NCCRP1: variants seen among roughly 807,000 people sequenced by gnomAD.
NCCRP1 encodes the protein NCCRP1, F-box associated domain containing.
NCCRP1 carries 32 observed loss-of-function variants against 34.4 expected under a neutral mutation model. The observed-to-expected ratio is 0.93, with a 90% CI of 0.70 to 1.25. NCCRP1 has a LOEUF of 1.25. Ranked by LOEUF, NCCRP1 falls within the 50% of genes most tolerant of loss-of-function variation. NCCRP1 has a pLI of 0.00. For synonymous variants in NCCRP1, 172 were observed against 180.1 expected (o/e 0.95, Z 0.36); for missense variants, 372 against 391.8 (o/e 0.95, Z 0.43).
rs1267875533 is a variant in NCCRP1, at chr19:39,197,063, C to T, written c.81C>T (p.Pro27=). The T allele has an allele frequency of 1.3e-6, 2 of 1,531,276 alleles. No homozygotes were observed. The highest frequency in any genetic ancestry group is 1.7e-6 in the Non-Finnish European group (2 of 1,145,478). The allele number at this position is 1,531,276 out of a possible 1,614,324, so 94.9% of individuals were successfully genotyped here. A position where few individuals can be genotyped will look rare whatever the true frequency, so the allele number is the denominator to read the frequency against. Reference sequence around the variant, plus strand: ...CCGCGAGCCTCCAGGAGCTGCCTCCCTCGCCACGGTCGCCTTCACCGCCGC... The same window carrying T: ...CCGCGAGCCTCCAGGAGCTGCCTCCTTCGCCACGGTCGCCTTCACCGCCGC... ...DGPASLQELP[P]SPRSPSPPPS... The change falls in exon 1 of 6, where the codon CCC becomes CCT. Residue 27 remains proline (P), a synonymous_variant. Coordinates refer to ENST00000339852, the MANE Select transcript of NCCRP1 (RefSeq NM_001001414.2).
At chr19:39,199,866 C>CTTA (rs1444260974) in intron 4 of NCCRP1, among the ~76,000 whole-genome samples, 1 of 152,064 alleles carries the variant, frequency 6.6e-6, no homozygotes, top group Non-Finnish European at 1.5e-5. Context: ...CCAATTCCTT[C>CTTA]TTATTCCTTA....
chr19:39,200,708 G>T lies in NCCRP1; in HGVS notation c.780G>T (p.Arg260=). The T allele has an allele frequency of 6.2e-7, 1 of 1,613,760 alleles. No homozygotes were observed. Among genetic ancestry groups the T allele is most frequent in the Middle Eastern group, 1.6e-4 (1 of 6,062 alleles). Residue 260 remains arginine, a synonymous_variant, in exon 6 of 6, where the codon CGG becomes CGT. Transcript: ENST00000339852. The surrounding 1 kb of genome is among the most constrained non-coding windows in gnomAD (Gnocchi z 5.8). ...ACCGCATGGAGCCTGGTGGGCTGCG[G>T]CGGACACGGGTGACCGACTCCTCCG... The part of the protein sequence containing the change: ...AKNRMEPGGL[R]RTRVTDSSVS...
intron 1 of NCCRP1, 69 bp downstream of exon 1, chr19:39,197,388 C>T (rs1206761716): frequency 3.3e-5 from 41 of 1,240,016 alleles, no homozygotes; most frequent in Non-Finnish European, 3.8e-5. Flanking sequence ...TTCCCTGTTT[C>T]CTTATCTCTC....
Position 39,197,133 on chromosome 19 carries a change from G to T in NCCRP1, c.151G>T (p.Ala51Ser). The change falls in exon 1 of 6, where the codon GCA (alanine) becomes TCA (serine). Residue 51 changes from alanine (A) to serine (S), a missense_variant. Ala to Ser is a moderately conservative substitution (Grantham distance 99). Transcript: ENST00000339852. ...LPSPPSLPSP[A>S]APEAPELPEP... The stretch of plus-strand genomic sequence containing the variant: ...CTCGCCGCCGTCGCTGCCATCGCCC[G>T]CAGCCCCGGAGGCCCCCGAGCTCCC... 2.6e-6 allele frequency: 4 copies of T among 1,511,674 alleles called. No homozygotes were observed. Among genetic ancestry groups the T allele is most frequent in the Non-Finnish European group, 1.8e-6 (2 of 1,137,708 alleles). The allele number at this position is 1,511,674 out of a possible 1,614,324, so 93.6% of individuals were successfully genotyped here.
intron 4 of NCCRP1, 151 bp downstream of exon 4, chr19:39,199,416 C>T: frequency 3.4e-6 from 2 of 580,346 alleles, no homozygotes; most frequent in Non-Finnish European, 6.0e-6. Context: ...CTGGCCCCTT[C>T]TGTTTGAGCC....
chr19:39,199,509 C>CT (rs150534648), intron 4 of NCCRP1, among the ~76,000 whole-genome samples: 1,057 of 67,890 alleles, frequency 0.016, 56 homozygotes, highest in African/African-American at 0.029. Flanking sequence ...TTTTTTCTTT[C>CT]TTTTTTTTTT....
chr19:39,197,054 G>A lies in NCCRP1; in HGVS notation c.72G>A (p.Glu24=). 6.5e-7 allele frequency: 1 copy of A among 1,532,234 alleles called. No homozygotes were observed. Among genetic ancestry groups the A allele is most frequent in the East Asian group, 2.5e-5 (1 of 40,462 alleles). 94.9% of individuals were successfully genotyped at this position (1,532,234 alleles called of 1,614,324 possible). ...MEADGPASLQ[E]LPPSPRSPSP... is the part of the protein sequence containing the mutation. ...CCGATGGGCCCGCGAGCCTCCAGGAGCTGCCTCCCTCGCCACGGTCGCCTT... is the reference window on the plus strand; with the variant it reads ...CCGATGGGCCCGCGAGCCTCCAGGAACTGCCTCCCTCGCCACGGTCGCCTT... The change falls in exon 1 of 6, where the codon GAG becomes GAA. Residue 24 remains glutamate, a synonymous_variant. Coordinates refer to ENST00000339852, the MANE Select transcript of NCCRP1 (RefSeq NM_001001414.2).
Position 39,198,387 on chromosome 19 carries a change from G to C in NCCRP1, c.452+134G>C, listed in dbSNP as rs112719819. 6.3e-4 allele frequency: 614 copies of C among 970,972 alleles called. 3 individuals are homozygous for C. In the African/African-American group the frequency reaches 8.7e-3, roughly 14 times the overall value. The allele number at this position is 970,972 out of a possible 1,614,324, so 60.1% of individuals were successfully genotyped here. ...CTGTAAACAGGGTTAGCATAAGAGA[G>C]AATGCTTGTAAAACACACAGCATAG... On this transcript the variant is annotated intron_variant, in intron 3 of 5. Coordinates refer to ENST00000339852, the MANE Select transcript of NCCRP1 (RefSeq NM_001001414.2).
At chr19:39,199,509 C>CTTTTTTTTTTTTTTTTT (rs150534648) in intron 4 of NCCRP1, among the ~76,000 whole-genome samples, 3 of 67,868 alleles carry the variant, frequency 4.4e-5, no homozygotes, top group Non-Finnish European at 7.6e-5. Flanking sequence ...TTTTTTCTTT[C>CTTTTTTTTTTTTTTTTT]TTTTTTTTTT....
intron 4 of NCCRP1, among the ~76,000 whole-genome samples, chr19:39,199,669 T>C (rs983370931): frequency 3.3e-5 from 5 of 151,630 alleles, no homozygotes; most frequent in Admixed American, 2.6e-4. Context: ...CGCGCCACCA[T>C]ACCTGGCTAA....
Position 39,200,899 on chromosome 19 carries a change from G to A in NCCRP1, c.*143G>A. ...CAGCTTCACACACCCTTAAGCGGTG[G>A]ACTCCAGCATTTTCCCAGCACTGTC... On this transcript the variant is annotated 3_prime_UTR_variant, in exon 6 of 6. Transcript: ENST00000339852. The surrounding 1 kb of genome is among the most constrained non-coding windows in gnomAD (Gnocchi z 5.8). 1 of 1,042,176 alleles carries A rather than the reference G, an allele frequency of 9.6e-7. No individual in the cohort carries two copies. The highest frequency in any genetic ancestry group is 1.4e-6 in the Non-Finnish European group (1 of 726,864). 64.6% of individuals were successfully genotyped at this position (1,042,176 alleles called of 1,614,324 possible).
intron 1 of NCCRP1, among the ~76,000 whole-genome samples, chr19:39,197,740 C>A (rs1464735291): frequency 1.3e-5 from 2 of 152,164 alleles, no homozygotes; most frequent in East Asian, 3.9e-4. Context: ...CCATGCCTGG[C>A]TAATTTTTGT....
Position 39,197,214 on chromosome 19 carries a change from G to A in NCCRP1, c.232G>A (p.Gly78Arg), listed in dbSNP as rs2074765978. The A allele has an allele frequency of 1.4e-6, 2 of 1,445,340 alleles. No homozygotes were observed. The highest frequency in any genetic ancestry group is 1.8e-6 in the Non-Finnish European group (2 of 1,111,414). 89.5% of individuals were successfully genotyped at this position (1,445,340 alleles called of 1,614,324 possible). A position where few individuals can be genotyped will look rare whatever the true frequency, so the allele number is the denominator to read the frequency against. Reference protein sequence around the residue: ...HARQLLLEEWGPLSGGLELPQ... With the variant: ...HARQLLLEEWRPLSGGLELPQ... ...CCGGCAGCTGCTGCTGGAGGAGTGGGGGCCGCTGAGCGGGGGCCTGGAGCT... is the reference window on the plus strand; with the variant it reads ...CCGGCAGCTGCTGCTGGAGGAGTGGAGGCCGCTGAGCGGGGGCCTGGAGCT... The change falls in exon 1 of 6, where the codon GGG becomes AGG. Residue 78 changes from glycine (G) to arginine (R), a missense_variant. Transcript: ENST00000339852.
chr19:39,200,523 G>A lies in NCCRP1; in HGVS notation c.687+39G>A. On this transcript the variant is annotated intron_variant, in intron 5 of 5. Transcript: ENST00000339852. This position sits in a 1 kb window ranked among gnomAD's most constrained non-coding sequence, Gnocchi z 5.8. ...CGCCGGGGCCCTCAACCCCAGACGTGTGTTCTTGTCCCAAGACCTCACAGA... is the reference window on the plus strand; with the variant it reads ...CGCCGGGGCCCTCAACCCCAGACGTATGTTCTTGTCCCAAGACCTCACAGA... 3 of 1,610,972 alleles carry A rather than the reference G, an allele frequency of 1.9e-6. No individual in the cohort carries two copies. The highest frequency in any genetic ancestry group is 2.5e-6 in the Non-Finnish European group (3 of 1,178,774).
intron 1 of NCCRP1, 145 bp downstream of exon 1, chr19:39,197,464 G>A: frequency 1.4e-6 from 1 of 723,352 alleles, no homozygotes; most frequent in Non-Finnish European, 2.0e-6. Flanking sequence ...CTGTCATTGT[G>A]CCTCTCCATT....
rs537599068 is a variant in NCCRP1 at position 39,198,001 on chromosome 19, C to T, written c.338-52C>T. On this transcript the variant is annotated intron_variant, in intron 1 of 5. Transcript: ENST00000339852. ...GCCCTGCGGGTAGGGAGGGGTGAGG[C>T]GGTGGAAGATGGAGGGGCTGCCCAG... The T allele has an allele frequency of 4.4e-5, 70 of 1,591,218 alleles. 1 individual carries two copies. The highest frequency in any genetic ancestry group is 3.9e-4 in the South Asian group (35 of 90,580).
chr19:39,200,689 T>A lies in NCCRP1; in HGVS notation c.761T>A (p.Met254Lys). Residue 254 changes from methionine (M) to lysine (K), a missense_variant, in exon 6 of 6, where the codon ATG becomes AAG. Coordinates refer to ENST00000339852, the MANE Select transcript of NCCRP1 (RefSeq NM_001001414.2). The surrounding 1 kb of genome is among the most constrained non-coding windows in gnomAD (Gnocchi z 5.8). Reference sequence around the variant, plus strand: ...TTCCTGCACAAGGCCAAGAACCGCATGGAGCCTGGTGGGCTGCGGCGGACA... The same window carrying A: ...TTCCTGCACAAGGCCAAGAACCGCAAGGAGCCTGGTGGGCTGCGGCGGACA... ...IHFLHKAKNR[M>K]EPGGLRRTRV... 2 of 1,614,016 alleles carry A rather than the reference T, an allele frequency of 1.2e-6. No individual in the cohort carries two copies. The highest frequency in any genetic ancestry group is 1.7e-6 in the Non-Finnish European group (2 of 1,180,012).
At position 39,197,235 on chromosome 19, in the gene NCCRP1, G is replaced by A. The variant is rs1013503239; in HGVS notation, c.253G>A (p.Glu85Lys). 1.4e-6 allele frequency: 2 copies of A among 1,477,148 alleles called. No individual in the cohort carries two copies. The highest frequency in any genetic ancestry group is 4.9e-5 in the Admixed American group (2 of 41,232). 91.5% of individuals were successfully genotyped at this position (1,477,148 alleles called of 1,614,324 possible). Residue 85 changes from glutamate to lysine, a missense_variant, in exon 1 of 6, where the codon GAG becomes AAG. Glu to Lys is a moderately conservative substitution (Grantham distance 56, BLOSUM62 1). Coordinates refer to ENST00000339852, the MANE Select transcript of NCCRP1 (RefSeq NM_001001414.2). Reference protein sequence around the residue: ...EEWGPLSGGLELPQRLTWKLL... With the variant: ...EEWGPLSGGLKLPQRLTWKLL... Reference sequence around the variant, plus strand: ...GTGGGGGCCGCTGAGCGGGGGCCTGGAGCTGCCCCAGCGCCTCACCTGGAA... The same window carrying A: ...GTGGGGGCCGCTGAGCGGGGGCCTGAAGCTGCCCCAGCGCCTCACCTGGAA...
Position 39,197,218 on chromosome 19 carries a change from C to CTGGA in NCCRP1, c.236_237insTGGA (p.Leu80GlyfsTer40). The stretch of plus-strand genomic sequence containing the variant: ...CAGCTGCTGCTGGAGGAGTGGGGGC[C>CTGGA]GCTGAGCGGGGGCCTGGAGCTGCCC... On this transcript the variant is annotated frameshift_variant, in exon 1 of 6. Coordinates refer to ENST00000339852, the MANE Select transcript of NCCRP1 (RefSeq NM_001001414.2). LOFTEE classifies it high-confidence loss of function. The CTGGA allele has an allele frequency of 6.9e-7, 1 of 1,446,644 alleles. No homozygotes were observed. The highest frequency in any genetic ancestry group is 9.0e-7 in the Non-Finnish European group (1 of 1,111,808). The allele number at this position is 1,446,644 out of a possible 1,614,324, so 89.6% of individuals were successfully genotyped here.
Sources: allele counts gnomAD v4.1 joint callset (sites outside exome capture counted in the v4.1 genomes callset), GRCh38; gene constraint gnomAD v4.1.1; non-coding constraint Gnocchi (gnomAD v3.1); transcripts MANE v1.5; gene names NCBI Gene and HGNC (gene_info 2026-07-23, HGNC 2026-07-21).